The following TENM3 variants were observed in gnomAD, a reference collection of about 807,000 sequenced individuals.
The protein encoded by TENM3 is teneurin transmembrane protein 3.
In TENM3, 63 loss-of-function variants were observed where a neutral mutation model predicts 255.1. The ratio of observed to expected loss-of-function variants is 0.25; its 90% CI spans 0.20 to 0.30. The LOEUF (loss-of-function observed/expected upper bound fraction) is 0.30. Among genes scored for constraint, TENM3 ranks in the 10% least tolerant of loss-of-function variants. The pLI, the probability that TENM3 is intolerant of heterozygous loss-of-function variation, is 1.00. For missense variants in TENM3, 2,929 were observed against 3,461.1 expected (o/e 0.85, Z 3.86); for synonymous variants, 1,306 against 1,322.3 (o/e 0.99, Z 0.27).
intron 1 of TENM3, among the ~76,000 whole-genome samples, chr4:182,187,536 G>A (rs969249936): frequency 1.3e-5 from 2 of 151,990 alleles, no homozygotes; most frequent in African/African-American, 4.8e-5. Context: ...AAACCTTTGT[G>A]CCCCCCTCCC....
At chr4:182,457,556 A>ATATTTTTT (rs1313518502) in intron 3 of TENM3, among the ~76,000 whole-genome samples, 1 of 38,988 alleles carries the variant, frequency 2.6e-5, no homozygotes, top group Admixed American at 4.2e-4. Context: ...AATCATGTAT[A>ATATTTTTT]TCTTTTTTTT....
chr4:181,698,025 C>T, the TENM3 span, among the ~76,000 whole-genome samples: 3 of 151,912 alleles, frequency 2.0e-5, no homozygotes, highest in East Asian at 3.9e-4. Context: ...CCGGCCTGGC[C>T]ACCATAGTGA....
chr4:181,485,259 A>T, the TENM3 span, among the ~76,000 whole-genome samples: 1 of 152,294 alleles, frequency 6.6e-6, no homozygotes, highest in Non-Finnish European at 1.5e-5. Flanking sequence ...TCAATAAAGC[A>T]TTAAAATAAG....
At chr4:181,779,569 A>G in the TENM3 span, among the ~76,000 whole-genome samples, 1 of 152,016 alleles carries the variant, frequency 6.6e-6, no homozygotes, top group Non-Finnish European at 1.5e-5. Context: ...ATACATTTAA[A>G]TCTTCAATAC....
At chr4:181,838,148 AAAAGAAAG>A in the TENM3 span, among the ~76,000 whole-genome samples, 35 of 20,862 alleles carry the variant, frequency 1.7e-3, no homozygotes, top group East Asian at 0.013. Flanking sequence ...CAAAAAAAAA[AAAAGAAAG>A]AAAGAAAGAA....
At chr4:182,332,715 A>G (rs1763855781) in intron 2 of TENM3, among the ~76,000 whole-genome samples, 3 of 151,970 alleles carry the variant, frequency 2.0e-5, no homozygotes, top group African/African-American at 4.8e-5. Context: ...AAAGAAAAAA[A>G]AAAAAAGACA....
chr4:182,275,030 G>C (rs1759906048), intron 1 of TENM3, among the ~76,000 whole-genome samples: 1 of 152,124 alleles, frequency 6.6e-6, no homozygotes, highest in Admixed American at 6.5e-5. Context: ...CCACCATGTT[G>C]GTCAGGCTGG....
the TENM3 span, among the ~76,000 whole-genome samples, chr4:181,901,797 A>T: frequency 6.6e-6 from 1 of 152,190 alleles, no homozygotes; most frequent in African/African-American, 2.4e-5. Flanking sequence ...ACCAGCAAAA[A>T]TACCGGGTAT....
chr4:182,448,798 CGG>C (rs1554068501), intron 3 of TENM3, among the ~76,000 whole-genome samples: 3 of 149,828 alleles, frequency 2.0e-5, no homozygotes, highest in Non-Finnish European at 4.4e-5. Context: ...GTGTGTGGAG[CGG>C]GGCGAGGGGG....
rs780538741 is a variant in TENM3, at chr4:182,628,873, C to G, written c.972C>G (p.Leu324=). The G allele has an allele frequency of 3.8e-6, 6 of 1,595,446 alleles. No individual in the cohort carries two copies. The highest frequency in any genetic ancestry group is 3.5e-5 in the Admixed American group (2 of 57,954). The change falls in exon 5 of 28, where the codon CTC becomes CTG. Residue 324 remains leucine (L), a synonymous_variant. Transcript: ENST00000511685. The part of the protein sequence containing the change: ...AVGVSVLLAI[L]LSYFIAMHLF... ...GGGTCTCGGTGCTCCTGGCAATACT[C>G]CTGTCTTATTTTATAGGTAAGAACA...
the TENM3 span, among the ~76,000 whole-genome samples, chr4:181,924,649 T>G: frequency 2.0e-5 from 3 of 152,228 alleles, no homozygotes; most frequent in Non-Finnish European, 4.4e-5. Flanking sequence ...TTTCTTACTT[T>G]TTTTACATAT....
At chr4:181,643,830 A>G in the TENM3 span, among the ~76,000 whole-genome samples, 3 of 152,140 alleles carry the variant, frequency 2.0e-5, no homozygotes, top group South Asian at 6.2e-4. Context: ...TAATCCCAGC[A>G]CTTTGGGAGG....
chr4:182,287,409 T>A (rs1760799566), intron 1 of TENM3, among the ~76,000 whole-genome samples: 1 of 152,108 alleles, frequency 6.6e-6, no homozygotes, highest in African/African-American at 2.4e-5. Flanking sequence ...GCATCTGCAG[T>A]TCCTTCCGCT....
At chr4:182,280,588 TCTC>T (rs1173667864) in intron 1 of TENM3, among the ~76,000 whole-genome samples, 2 of 152,188 alleles carry the variant, frequency 1.3e-5, no homozygotes, top group South Asian at 2.1e-4. Context: ...GACCTTTTCT[TCTC>T]CTCTTCCTGT....
At chr4:181,859,253 AAAAAAAAAAAAAAT>A in the TENM3 span, among the ~76,000 whole-genome samples, 1 of 150,868 alleles carries the variant, frequency 6.6e-6, no homozygotes, top group Non-Finnish European at 1.5e-5. Context: ...AAAAAAAAAA[AAAAAAAAAAAAAAT>A]CCCTCATTTT....
intron 12 of TENM3, among the ~76,000 whole-genome samples, chr4:182,713,244 C>T (rs541956495): frequency 2.6e-4 from 39 of 152,200 alleles, no homozygotes; most frequent in Non-Finnish European, 5.1e-4. Flanking sequence ...TGTCTTGAAG[C>T]ACGTCACTAC....
intron 1 of TENM3, among the ~76,000 whole-genome samples, chr4:182,186,959 C>T (rs558495744): frequency 1.1e-4 from 17 of 150,534 alleles, no homozygotes; most frequent in African/African-American, 4.1e-4. Context: ...GTAATTAGTT[C>T]AGTTTTATGC....
intron 7 of TENM3, among the ~76,000 whole-genome samples, chr4:182,674,221 A>T (rs1023307662): frequency 2.6e-5 from 4 of 152,172 alleles, no homozygotes; most frequent in African/African-American, 9.6e-5. Flanking sequence ...TGTATGCTTT[A>T]TATCATATAA....
At chr4:181,724,013 G>C in the TENM3 span, among the ~76,000 whole-genome samples, 1 of 152,200 alleles carries the variant, frequency 6.6e-6, no homozygotes, top group Non-Finnish European at 1.5e-5. Context: ...TTCTGGAAGA[G>C]AGAATGAGCA....
Sources: gnomAD v4.1 joint callset for allele counts (sites outside exome capture counted in the v4.1 genomes callset) on GRCh38, gnomAD v4.1.1 for gene constraint, MANE v1.5 for transcripts, NCBI Gene and HGNC (gene_info 2026-07-23, HGNC 2026-07-21) for gene names.